RAB3IP: variants seen among roughly 807,000 people sequenced by gnomAD.
The protein encoded by RAB3IP is RAB3A interacting protein, also known as rab-3A-interacting protein.
In RAB3IP, 36 loss-of-function variants were observed where a neutral mutation model predicts 59.1. The observed-to-expected ratio is 0.61, with a 90% CI of 0.47 to 0.80. RAB3IP has a LOEUF of 0.80. Ranked by LOEUF, RAB3IP falls within the 30% of genes least tolerant of loss-of-function variation. The probability of loss-of-function intolerance (pLI) is 0.00; values close to 1 mark genes in which losing one functional copy is unlikely to be tolerated. For synonymous variants in RAB3IP, 207 were observed against 191.2 expected (o/e 1.08, Z -0.68); for missense variants, 511 against 536.0 (o/e 0.95, Z 0.46).
chr12:69,805,899 C>T (rs540819371), intron 8 of RAB3IP, among the ~76,000 whole-genome samples: 6 of 152,190 alleles, frequency 3.9e-5, no homozygotes, highest in African/African-American at 9.6e-5. Context: ...TTCGGTTTGC[C>T]AGTATTTTAT....
chr12:69,749,186 A>C (rs1701084460), intron 1 of RAB3IP, among the ~76,000 whole-genome samples: 1 of 152,204 alleles, frequency 6.6e-6, no homozygotes, highest in South Asian at 2.1e-4. Flanking sequence ...GAGCATTCCC[A>C]CTTGAGCTCC....
At position 69,800,273 on chromosome 12, in the gene RAB3IP, G is replaced by C. The variant is rs770687224; in HGVS notation, c.953G>C (p.Cys318Ser). Reference protein sequence around the residue: ...WKDEPTMDRTCPFLDKIYQED... With the variant: ...WKDEPTMDRTSPFLDKIYQED... ...GATGAGCCCACAATGGACAGGACGT[G>C]TCCTTTCTTAGACAAAATCTACCAG... is the stretch of plus-strand genomic sequence containing the variant. The change falls in exon 7 of 11, where the codon TGT (cysteine) becomes TCT (serine). Residue 318 changes from cysteine (C) to serine (S), a missense_variant. Coordinates refer to ENST00000247833, the MANE Select transcript of RAB3IP (RefSeq NM_022456.5). 5 of 1,599,416 alleles carry C rather than the reference G, an allele frequency of 3.1e-6. No homozygotes were observed. The South Asian group carries it at 5.6e-5, about 18-fold the overall frequency.
At chr12:69,783,444 C>T (rs73332070) in intron 3 of RAB3IP, among the ~76,000 whole-genome samples, 176 of 152,318 alleles carry the variant, frequency 1.2e-3, no homozygotes, top group African/African-American at 4.0e-3. Context: ...TCCCTGTCTT[C>T]ATTGCCCTGC....
intron 4 of RAB3IP, among the ~76,000 whole-genome samples, chr12:69,790,519 C>G (rs1876434678): frequency 6.6e-6 from 1 of 152,058 alleles, no homozygotes; most frequent in Admixed American, 6.6e-5. Flanking sequence ...CTGTGAAAAT[C>G]CCAATGGCAT....
chr12:69,795,216 G>A lies in RAB3IP; in HGVS notation c.760G>A (p.Glu254Lys), dbSNP rs760711719. ...CAGTTCTCCAACATCACCTACGCAG[G>A]AGCCTTTGCCAGGTGGAAAGACACC... The part of the protein sequence containing the change: ...LSSSPTSPTQ[E>K]PLPGGKTPFK... Residue 254 changes from glutamate to lysine, a missense_variant, in exon 6 of 11, where the codon GAG becomes AAG. By Grantham distance (56) the Glu-to-Lys change is moderately conservative. Coordinates refer to ENST00000247833, the MANE Select transcript of RAB3IP (RefSeq NM_022456.5). 3.1e-6 allele frequency: 5 copies of A among 1,614,022 alleles called. No individual in the cohort carries two copies. In the South Asian group the frequency reaches 5.5e-5, roughly 18 times the overall value.
At chr12:69,806,570 G>GTTTTTTTTTTT (rs35262716) in intron 8 of RAB3IP, among the ~76,000 whole-genome samples, 55 of 68,442 alleles carry the variant, frequency 8.0e-4, no homozygotes, top group Non-Finnish European at 9.1e-4. Flanking sequence ...TGCTTCTCTA[G>GTTTTTTTTTTT]TTTTTTTTTT....
chr12:69,809,285 G>T (rs1305749799), intron 8 of RAB3IP, among the ~76,000 whole-genome samples: 2 of 152,106 alleles, frequency 1.3e-5, no homozygotes, highest in East Asian at 3.8e-4. Flanking sequence ...AGTCTGATGG[G>T]CTTCCCTTTG....
At position 69,800,239 on chromosome 12, in the gene RAB3IP, T is replaced by C. The variant is rs954513311; in HGVS notation, c.919T>C (p.Leu307=). ...ADLSLYNEFR[L]WKDEPTMDRT... The stretch of plus-strand genomic sequence containing the variant: ...CTTATCCTTGTATAATGAATTCCGA[T>C]TGTGGAAGGATGAGCCCACAATGGA... The change falls in exon 7 of 11, where the codon TTG becomes CTG. Residue 307 remains leucine, a synonymous_variant. Transcript: ENST00000247833. The C allele has an allele frequency of 3.8e-6, 6 of 1,568,292 alleles. No homozygotes were observed. The highest frequency in any genetic ancestry group is 3.9e-5 in the Admixed American group (2 of 51,408).
At chr12:69,759,398 C>A (rs1198930761) in intron 3 of RAB3IP, among the ~76,000 whole-genome samples, 2 of 152,158 alleles carry the variant, frequency 1.3e-5, no homozygotes, top group Non-Finnish European at 2.9e-5. Flanking sequence ...TACACAGACA[C>A]AGCAACAATC....
At chr12:69,772,323 C>A (rs1166409639) in intron 3 of RAB3IP, among the ~76,000 whole-genome samples, 1 of 152,104 alleles carries the variant, frequency 6.6e-6, no homozygotes, top group Non-Finnish European at 1.5e-5. Context: ...CTCTTGTAGG[C>A]AGGCAGCATG....
chr12:69,761,412 C>G (rs1287303180), intron 3 of RAB3IP, among the ~76,000 whole-genome samples: 1 of 152,160 alleles, frequency 6.6e-6, no homozygotes, highest in Non-Finnish European at 1.5e-5. Context: ...TGCCTAATAT[C>G]AAATGCTTCA....
At chr12:69,766,019 G>A (rs1176450332) in intron 3 of RAB3IP, among the ~76,000 whole-genome samples, 2 of 152,206 alleles carry the variant, frequency 1.3e-5, no homozygotes, top group Admixed American at 1.3e-4. Flanking sequence ...CCAAAGCCTG[G>A]TATGGCTCCA....
At chr12:69,742,803 A>G (rs1887479954) in intron 1 of RAB3IP, among the ~76,000 whole-genome samples, 1 of 152,226 alleles carries the variant, frequency 6.6e-6, no homozygotes, top group Non-Finnish European at 1.5e-5. Context: ...TTTTCAACTT[A>G]CCACTAAATG....
chr12:69,769,840 T>C (rs1555221947), intron 3 of RAB3IP, among the ~76,000 whole-genome samples: 1 of 152,240 alleles, frequency 6.6e-6, no homozygotes, highest in Non-Finnish European at 1.5e-5. Flanking sequence ...CTGAAATCAG[T>C]AAAAGTCAAA....
chr12:69,779,555 TC>T (rs961984694), intron 3 of RAB3IP, among the ~76,000 whole-genome samples: 21 of 152,206 alleles, frequency 1.4e-4, no homozygotes, highest in African/African-American at 4.3e-4. Flanking sequence ...TTTTTTTTTT[TC>T]TTCTCTACCT....
chr12:69,798,923 A>T (rs1877949886), intron 6 of RAB3IP, among the ~76,000 whole-genome samples: 1 of 152,206 alleles, frequency 6.6e-6, no homozygotes, highest in African/African-American at 2.4e-5. Flanking sequence ...GACATCTCTT[A>T]TTAGAGCCAG....
intron 6 of RAB3IP, among the ~76,000 whole-genome samples, chr12:69,797,217 G>A (rs984581835): frequency 6.6e-6 from 1 of 152,184 alleles, no homozygotes; most frequent in Non-Finnish European, 1.5e-5. Flanking sequence ...CATGCCCAGT[G>A]CAAGGCTTTG....
chr12:69,765,718 T>C (rs966376241), intron 3 of RAB3IP, among the ~76,000 whole-genome samples: 5 of 152,192 alleles, frequency 3.3e-5, no homozygotes, highest in African/African-American at 9.7e-5. Context: ...GTGCTTTGAA[T>C]GCATGGAGAT....
intron 4 of RAB3IP, among the ~76,000 whole-genome samples, chr12:69,788,230 T>G (rs543667108): frequency 7.2e-5 from 11 of 152,112 alleles, no homozygotes; most frequent in Non-Finnish European, 1.6e-4. Context: ...TCATTATAGA[T>G]TTCATCGTGC....
Sources: gnomAD v4.1 joint callset for allele counts (sites outside exome capture counted in the v4.1 genomes callset) on GRCh38, gnomAD v4.1.1 for gene constraint, MANE v1.5 for transcripts, NCBI Gene and HGNC (gene_info 2026-07-23, HGNC 2026-07-21) for gene names.